PTPN22: variants seen among roughly 807,000 people sequenced by gnomAD.
PTPN22 encodes the protein tyrosine-protein phosphatase non-receptor type 22.
PTPN22 carries 85 observed loss-of-function variants against 103.3 expected under a neutral mutation model. The observed-to-expected ratio is 0.82, with a 90% confidence interval of 0.69 to 0.99. PTPN22 has a LOEUF of 0.99. Ranked by LOEUF, PTPN22 falls within the 50% of genes least tolerant of loss-of-function variation. The pLI is 0.00. For synonymous variants in PTPN22, 323 were observed against 310.2 expected (o/e 1.04, Z -0.43); for missense variants, 865 against 936.9 (o/e 0.92, Z 1.00).
At chr1:113,829,085 G>A (rs966342943) in intron 18 of PTPN22, 1 of 151,656 alleles carries the variant, frequency 6.6e-6, no homozygotes, top group South Asian at 2.1e-4. Context: ...TTTATTTGCA[G>A]GTTTCTGACT....
intron 1 of PTPN22, among the ~76,000 whole-genome samples, chr1:113,867,909 CA>C (rs1558061516): frequency 6.6e-6 from 1 of 152,170 alleles, no homozygotes; most frequent in African/African-American, 2.4e-5. Context: ...CTTCAATTAC[CA>C]AAATCTGTGG....
At chr1:113,853,996 G>T (rs535967299) in intron 9 of PTPN22, among the ~76,000 whole-genome samples, 2 of 150,700 alleles carry the variant, frequency 1.3e-5, no homozygotes, top group East Asian at 4.0e-4. Flanking sequence ...CTCCTGAGTA[G>T]TGGGGACTAC....
intron 10 of PTPN22, among the ~76,000 whole-genome samples, chr1:113,849,518 AT>A (rs1664363786): frequency 6.6e-6 from 1 of 152,190 alleles, no homozygotes; most frequent in African/African-American, 2.4e-5. Flanking sequence ...TTCAAAGATA[AT>A]TTTAGCAGGA....
intron 3 of PTPN22, 22 bp from the exon 4 acceptor site, chr1:113,858,595 A>G: frequency 7.1e-7 from 1 of 1,401,406 alleles, no homozygotes; most frequent in South Asian, 1.2e-5. Flanking sequence ...CAGAAATTAC[A>G]CGGGGTGACT....
chr1:113,839,899 G>GAA (rs35025140), intron 11 of PTPN22, among the ~76,000 whole-genome samples: 32 of 148,090 alleles, frequency 2.2e-4, no homozygotes, highest in Admixed American at 1.1e-3. Flanking sequence ...TCTTAGGCAA[G>GAA]AAAAAAAAAA....
exon 21 of PTPN22, chr1:113,813,952 T>G (rs1660981585): frequency 6.6e-6 from 1 of 152,274 alleles, no homozygotes; most frequent in Non-Finnish European, 1.5e-5. Flanking sequence ...TAAACAATAC[T>G]ACATGTTTCT....
At chr1:113,860,801 G>A (rs1283457645) in intron 1 of PTPN22, among the ~76,000 whole-genome samples, 1 of 152,190 alleles carries the variant, frequency 6.6e-6, no homozygotes, top group East Asian at 1.9e-4. Flanking sequence ...GGAGTCTCCA[G>A]AACTAAGCTC....
At chr1:113,860,620 G>A (rs12069381) in intron 1 of PTPN22, among the ~76,000 whole-genome samples, 1,719 of 152,216 alleles carry the variant, frequency 0.011, 33 homozygotes, top group African/African-American at 0.039. Context: ...GATACAAGTG[G>A]ACTAATTTGG....
chr1:113,831,106 C>T (rs527796066), intron 16 of PTPN22, among the ~76,000 whole-genome samples: 69 of 152,084 alleles, frequency 4.5e-4, no homozygotes, highest in Non-Finnish European at 9.4e-4. Flanking sequence ...TAAAGTTGTT[C>T]GTTAACAGTA....
intron 17 of PTPN22, 51 bp downstream of exon 17, chr1:113,829,896 CTT>C (rs1662405847): frequency 1.4e-6 from 2 of 1,472,626 alleles, no homozygotes; most frequent in Non-Finnish European, 1.9e-6. Flanking sequence ...TATTGTTAAT[CTT>C]TTAACATTTT....
At chr1:113,818,163 T>A (rs1402876015) in intron 20 of PTPN22, among the ~76,000 whole-genome samples, 6 of 152,056 alleles carry the variant, frequency 3.9e-5, no homozygotes, top group Non-Finnish European at 8.8e-5. Context: ...ACTTATTTTT[T>A]AAATTATAAC....
At chr1:113,839,431 C>G (rs1373085898) in intron 11 of PTPN22, among the ~76,000 whole-genome samples, 1 of 151,486 alleles carries the variant, frequency 6.6e-6, no homozygotes, top group African/African-American at 2.4e-5. Flanking sequence ...ATTCTGTTAC[C>G]CAGGCTGGAG....
At chr1:113,836,780 G>T (rs370580851) in intron 13 of PTPN22, among the ~76,000 whole-genome samples, 1 of 151,712 alleles carries the variant, frequency 6.6e-6, no homozygotes, top group East Asian at 1.9e-4. Context: ...AAAAAAATTA[G>T]CCAGGCATGG....
intron 19 of PTPN22, 139 bp downstream of exon 19, chr1:113,825,003 G>T: frequency 6.5e-6 from 3 of 459,694 alleles, no homozygotes; most frequent in African/African-American, 2.1e-5. Flanking sequence ...GCCTATGGGT[G>T]ATTGTTCTGA....
At chr1:113,860,523 C>A (rs1166749242) in intron 1 of PTPN22, among the ~76,000 whole-genome samples, 1 of 152,098 alleles carries the variant, frequency 6.6e-6, no homozygotes, top group Admixed American at 6.5e-5. Context: ...GAACTGATAT[C>A]TTTTTGTTTG....
At chr1:113,843,621 T>C (rs532990022) in intron 11 of PTPN22, among the ~76,000 whole-genome samples, 1 of 152,244 alleles carries the variant, frequency 6.6e-6, no homozygotes, top group African/African-American at 2.4e-5. Context: ...CACTCAACAT[T>C]GTGAATATAC....
intron 11 of PTPN22, among the ~76,000 whole-genome samples, chr1:113,843,108 A>AAAAAAAAAAAAAAAAAAAAG (rs1351001407): frequency 6.8e-6 from 1 of 146,086 alleles, no homozygotes. Flanking sequence ...TCAAAAAAAA[A>AAAAAAAAAAAAAAAAAAAAG]AAAAAAGAAA....
intron 11 of PTPN22, among the ~76,000 whole-genome samples, chr1:113,844,906 C>A (rs1232808651): frequency 6.6e-6 from 1 of 152,156 alleles, no homozygotes; most frequent in Non-Finnish European, 1.5e-5. Flanking sequence ...GCAGCCTTGA[C>A]CTCCCAGGCT....
At chr1:113,856,550 A>G (rs1233969548) in exon 6 of PTPN22, 1 of 1,614,208 alleles carries the variant, frequency 6.2e-7, no homozygotes, top group Admixed American at 1.7e-5. Context: ...ACACTTACAC[A>G]GGATACAGAG....
Sources: gnomAD v4.1 joint callset for allele counts (sites outside exome capture counted in the v4.1 genomes callset) on GRCh38, gnomAD v4.1.1 for gene constraint, MANE v1.5 for transcripts, NCBI Gene and HGNC (gene_info 2026-07-23, HGNC 2026-07-21) for gene names.